Variants in KCNH1 observed in about 807,000 individuals in gnomAD.
The protein encoded by KCNH1 is voltage-gated delayed rectifier potassium channel KCNH1.
KCNH1 carries 27 observed loss-of-function variants against 69.2 expected under a neutral mutation model. The ratio of observed to expected loss-of-function variants is 0.39; its 90% CI spans 0.29 to 0.54. The LOEUF (loss-of-function observed/expected upper bound fraction) is 0.54, where lower values mean the gene tolerates loss of function less well. Among genes scored for constraint, KCNH1 ranks in the 20% least tolerant of loss-of-function variants. The pLI is 0.68. For synonymous variants in KCNH1, 456 were observed against 487.7 expected (o/e 0.93, Z 0.86); for missense variants, 798 against 1,261.6 (o/e 0.63, Z 5.57).
chr1:210,691,496 G>A lies in KCNH1; in HGVS notation c.2113-7358C>T, dbSNP rs1046406593. Among the ~76,000 whole-genome samples, 3 of 152,210 alleles carry A rather than the reference G, an allele frequency of 2.0e-5. No individual in the cohort carries two copies. In the South Asian group the frequency reaches 6.2e-4, roughly 32 times the overall value. ...AGAGGACAAAGCTGTGGAGCCGTGA[G>A]CCAAACCCGGGCAACCTGAGTCCCT... On this transcript the variant is annotated intron_variant, in intron 10 of 10. Transcript: ENST00000271751.
intron 10 of KCNH1, among the ~76,000 whole-genome samples, chr1:210,723,673 C>T (rs1682526079): frequency 6.6e-6 from 1 of 152,168 alleles, no homozygotes; most frequent in Non-Finnish European, 1.5e-5. Flanking sequence ...TTTCTGCTGG[C>T]TTCAGGGTCC....
intron 9 of KCNH1, among the ~76,000 whole-genome samples, chr1:210,789,529 A>G (rs1684173912): frequency 1.3e-5 from 2 of 152,228 alleles, no homozygotes; most frequent in African/African-American, 4.8e-5. Context: ...ATGAAAAATA[A>G]TATCATTCTT....
rs764314152 is a variant in KCNH1 at position 210,919,988 on chromosome 1, T to C, written c.1114A>G (p.Ile372Val). The change falls in exon 7 of 11, where the codon ATT (isoleucine) becomes GTT (valine). Residue 372 changes from isoleucine (I) to valine (V), a missense_variant. By Grantham distance (29) the Ile-to-Val change is conservative. Around this residue, in one of 4 missense-constraint regions of KCNH1, gnomAD observed 266 missense variants for 457.2 expected, o/e 0.58. Transcript: ENST00000271751. This position sits in a 1 kb window ranked among gnomAD's most constrained non-coding sequence, Gnocchi z 4.2. ...GRVARKLDHYIEYGAAVLVLL... is the reference protein window; with the variant it reads ...GRVARKLDHYVEYGAAVLVLL... The stretch of plus-strand genomic sequence containing the variant: ...ACCAGCACAGCAGCTCCATATTCAA[T>C]GTAGTGGTCCAGCTTACGGGCCACT... 11 of 1,614,110 alleles carry C rather than the reference T, an allele frequency of 6.8e-6. No individual in the cohort carries two copies. Among genetic ancestry groups the C allele is most frequent in the Non-Finnish European group, 9.3e-6 (11 of 1,180,014 alleles).
At position 211,019,762 on chromosome 1, in the gene KCNH1, C is replaced by A. The variant is rs1269974025; in HGVS notation, c.559-506G>T. The stretch of plus-strand genomic sequence containing the variant: ...ATAGACTATATGTGAGATGACAAAA[C>A]AAGTGTTAACAAATTTTTAAAAATC... On this transcript the variant is annotated intron_variant, in intron 5 of 10. Transcript: ENST00000271751. Among the ~76,000 whole-genome samples, 3 of 152,138 alleles carry A rather than the reference C, an allele frequency of 2.0e-5. No homozygotes were observed. The East Asian group carries it at 5.8e-4, about 29-fold the overall frequency.
chr1:210,975,567 A>G (rs1287984717), intron 6 of KCNH1, among the ~76,000 whole-genome samples: 4 of 152,234 alleles, frequency 2.6e-5, no homozygotes, highest in African/African-American at 9.6e-5. Context: ...CTGAAACTGG[A>G]TCCCTTCCTT....
chr1:210,826,826 C>T lies in KCNH1; in HGVS notation c.1463-22660G>A, dbSNP rs75743186. On this transcript the variant is annotated intron_variant, in intron 7 of 10. Transcript: ENST00000271751. ...GGAAAATGTGCCTTTGTGTGCAGAA[C>T]CCAGTGAGCAATTACCTATCCCCTC... Among the ~76,000 whole-genome samples, 722 of 152,294 alleles carry T rather than the reference C, an allele frequency of 4.7e-3. 6 individuals are homozygous for T. Among genetic ancestry groups the T allele is most frequent in the African/African-American group, 0.017 (700 of 41,572 alleles).
chr1:210,696,954 A>C (rs985714955), intron 10 of KCNH1, among the ~76,000 whole-genome samples: 3 of 152,220 alleles, frequency 2.0e-5, no homozygotes, highest in Non-Finnish European at 4.4e-5. Flanking sequence ...GAGCAGGCTG[A>C]TGCTAACCAT....
At chr1:210,763,847 T>TC (rs1349109817) in intron 10 of KCNH1, among the ~76,000 whole-genome samples, 1 of 152,110 alleles carries the variant, frequency 6.6e-6, no homozygotes, top group Admixed American at 6.6e-5. Flanking sequence ...GTCATTTTTT[T>TC]CACAGAATTA....
chr1:210,939,062 T>C (rs1687831664), intron 6 of KCNH1, among the ~76,000 whole-genome samples: 1 of 152,190 alleles, frequency 6.6e-6, no homozygotes, highest in Non-Finnish European at 1.5e-5. Flanking sequence ...TGAAGCCCCC[T>C]GATCCCCATA....
At chr1:211,071,529 A>G (rs971760201) in intron 5 of KCNH1, among the ~76,000 whole-genome samples, 1 of 152,252 alleles carries the variant, frequency 6.6e-6, no homozygotes, top group Non-Finnish European at 1.5e-5. Flanking sequence ...AGTAAAGTGT[A>G]TACTTTAGTT....
At chr1:210,913,220 C>T (rs1327875466) in intron 7 of KCNH1, among the ~76,000 whole-genome samples, 1 of 152,130 alleles carries the variant, frequency 6.6e-6, no homozygotes, top group Non-Finnish European at 1.5e-5. Flanking sequence ...TAGAAAAGAA[C>T]TCTAACGATA....
At chr1:211,018,127 C>G (rs1689525181) in intron 6 of KCNH1, among the ~76,000 whole-genome samples, 1 of 152,082 alleles carries the variant, frequency 6.6e-6, no homozygotes, top group Non-Finnish European at 1.5e-5. Flanking sequence ...TGACCTGGTC[C>G]TAAATCTTCC....
chr1:210,844,613 C>A (rs1427856813), intron 7 of KCNH1, among the ~76,000 whole-genome samples: 1 of 152,124 alleles, frequency 6.6e-6, no homozygotes, highest in Non-Finnish European at 1.5e-5. Context: ...TAAATGCCCA[C>A]AGGAGAAAGC....
chr1:210,884,970 G>C (rs1686571922), intron 7 of KCNH1, among the ~76,000 whole-genome samples: 1 of 152,238 alleles, frequency 6.6e-6, no homozygotes, highest in Non-Finnish European at 1.5e-5. Context: ...GCCTTAGGCA[G>C]TTACTCAAAC....
chr1:210,955,005 G>T (rs1053587223), intron 6 of KCNH1, among the ~76,000 whole-genome samples: 3 of 152,106 alleles, frequency 2.0e-5, no homozygotes, highest in African/African-American at 4.8e-5. Context: ...GTATTGCCTA[G>T]GTTTTCTTCT....
intron 9 of KCNH1, among the ~76,000 whole-genome samples, chr1:210,789,806 T>C (rs778681193): frequency 7.9e-5 from 12 of 152,376 alleles, no homozygotes; most frequent in South Asian, 2.1e-4. Context: ...GAGATCATAT[T>C]GCATTTTAAA....
chr1:210,833,530 A>T lies in KCNH1; in HGVS notation c.1463-29364T>A, dbSNP rs972467911. Among the ~76,000 whole-genome samples the T allele has an allele frequency of 4.7e-4, 71 of 152,236 alleles. 1 individual carries two copies. The highest frequency in any genetic ancestry group is 5.9e-4 in the Non-Finnish European group (40 of 68,042). On this transcript the variant is annotated intron_variant, in intron 7 of 10. Coordinates refer to ENST00000271751, the MANE Select transcript of KCNH1 (RefSeq NM_172362.3). ...CTTCCTTACACCTTACACAAAAATCAATTCAAGATGGATTAAAGACTTAAA... is the reference window on the plus strand; with the variant it reads ...CTTCCTTACACCTTACACAAAAATCTATTCAAGATGGATTAAAGACTTAAA...
At chr1:211,104,885 C>G (rs1232231676) in intron 2 of KCNH1, among the ~76,000 whole-genome samples, 2 of 152,140 alleles carry the variant, frequency 1.3e-5, no homozygotes, top group Non-Finnish European at 1.5e-5. Context: ...TACAAAGAAC[C>G]TCAGGGGTTA....
At chr1:210,836,285 A>G (rs1441378077) in intron 7 of KCNH1, among the ~76,000 whole-genome samples, 1 of 152,158 alleles carries the variant, frequency 6.6e-6, no homozygotes, top group Non-Finnish European at 1.5e-5. Context: ...TTAGGCATAT[A>G]GGTAATAGAA....
Sources: gnomAD v4.1 joint callset for allele counts (sites outside exome capture counted in the v4.1 genomes callset) on GRCh38, gnomAD v4.1.1 for gene constraint, gnomAD v4.1.1 regional missense constraint, Gnocchi (gnomAD v3.1) non-coding constraint, MANE v1.5 for transcripts, NCBI Gene and HGNC (gene_info 2026-07-23, HGNC 2026-07-21) for gene names.